Variants in OXR1 observed in about 807,000 individuals in gnomAD.
OXR1 encodes oxidation resistance protein 1.
OXR1 carries 41 observed loss-of-function variants against 104.6 expected under a neutral mutation model. That is an observed-to-expected ratio of 0.39 (90% CI 0.31 to 0.51). The LOEUF (loss-of-function observed/expected upper bound fraction) is 0.51, where lower values mean the gene tolerates loss of function less well. Among genes scored for constraint, OXR1 ranks in the 20% least tolerant of loss-of-function variants. OXR1 has a pLI of 0.77. For synonymous variants in OXR1, 348 were observed against 348.4 expected (o/e 1.00, Z 0.01); for missense variants, 955 against 1,031.9 (o/e 0.93, Z 1.02).
At chr8:106,733,119 T>C (rs778082581) in intron 11 of OXR1, among the ~76,000 whole-genome samples, 3 of 152,192 alleles carry the variant, frequency 2.0e-5, no homozygotes, top group Non-Finnish European at 4.4e-5. Context: ...CTTGAACTCA[T>C]AGGCTCAAGT....
chr8:106,636,457 G>A (rs893851036), intron 3 of OXR1, among the ~76,000 whole-genome samples: 10 of 152,006 alleles, frequency 6.6e-5, no homozygotes, highest in African/African-American at 1.7e-4. Context: ...ATAGAAACCC[G>A]AGAATAGTTT....
intron 1 of OXR1, among the ~76,000 whole-genome samples, chr8:106,277,472 A>C (rs148436398): frequency 6.6e-6 from 1 of 152,260 alleles, no homozygotes; most frequent in East Asian, 1.9e-4. Flanking sequence ...GCAAGTGATC[A>C]TTTATGCTTG....
intron 2 of OXR1, among the ~76,000 whole-genome samples, chr8:106,495,641 C>T (rs1342238596): frequency 6.6e-6 from 1 of 152,094 alleles, no homozygotes; most frequent in Non-Finnish European, 1.5e-5. Context: ...GCTTCTTTTG[C>T]AGACAGCTAG....
At chr8:106,365,917 A>G (rs189048827) in intron 2 of OXR1, among the ~76,000 whole-genome samples, 55 of 152,186 alleles carry the variant, frequency 3.6e-4, no homozygotes, top group Non-Finnish European at 6.9e-4. Flanking sequence ...TTTGGTCTAG[A>G]TAGAGGAGTT....
chr8:106,583,723 T>C (rs1818420214), intron 3 of OXR1, among the ~76,000 whole-genome samples: 2 of 152,102 alleles, frequency 1.3e-5, no homozygotes, highest in Non-Finnish European at 2.9e-5. Context: ...CTGAAAGTAG[T>C]TGGTGATGTT....
intron 1 of OXR1, among the ~76,000 whole-genome samples, chr8:106,310,494 T>G (rs1813654271): frequency 6.6e-6 from 1 of 152,188 alleles, no homozygotes; most frequent in East Asian, 1.9e-4. Flanking sequence ...TTCTCCTGTC[T>G]TGGATTTTCT....
At chr8:106,394,230 A>G (rs892730359) in intron 2 of OXR1, among the ~76,000 whole-genome samples, 25 of 152,086 alleles carry the variant, frequency 1.6e-4, no homozygotes, top group African/African-American at 6.0e-4. Flanking sequence ...CCTTTTTGAA[A>G]GATGAAATCT....
intron 2 of OXR1, among the ~76,000 whole-genome samples, chr8:106,381,818 CA>C (rs1208441087): frequency 2.0e-5 from 3 of 152,140 alleles, no homozygotes; most frequent in Non-Finnish European, 2.9e-5. Flanking sequence ...GCTTTTAATT[CA>C]AAAATTCTCC....
chr8:106,291,066 G>A (rs1466955666), intron 1 of OXR1, among the ~76,000 whole-genome samples: 1 of 152,132 alleles, frequency 6.6e-6, no homozygotes, highest in Non-Finnish European at 1.5e-5. Flanking sequence ...GTGGTGGATT[G>A]TATACAGAAA....
chr8:106,377,803 A>C (rs2130395443), intron 2 of OXR1, among the ~76,000 whole-genome samples: 1 of 152,300 alleles, frequency 6.6e-6, no homozygotes, highest in East Asian at 1.9e-4. Context: ...AATTGCTTTA[A>C]CCCTTAATCA....
At chr8:106,643,369 T>C (rs1252919641) in intron 3 of OXR1, among the ~76,000 whole-genome samples, 1 of 152,084 alleles carries the variant, frequency 6.6e-6, no homozygotes, top group Non-Finnish European at 1.5e-5. Flanking sequence ...ATTTGGTTCA[T>C]GGGCCATAGT....
intron 1 of OXR1, among the ~76,000 whole-genome samples, chr8:106,329,006 T>A (rs997561252): frequency 2.8e-5 from 4 of 140,634 alleles, no homozygotes; most frequent in African/African-American, 1.2e-4. Flanking sequence ...TCACCATCAT[T>A]TTTTTCTGAG....
chr8:106,456,140 T>G (rs2130632296), intron 2 of OXR1, among the ~76,000 whole-genome samples: 1 of 152,304 alleles, frequency 6.6e-6, no homozygotes, highest in South Asian at 2.1e-4. Flanking sequence ...AATAAAAAAC[T>G]TTTTAAAACA....
intron 1 of OXR1, among the ~76,000 whole-genome samples, chr8:106,354,498 A>G (rs989716811): frequency 1.3e-5 from 2 of 152,138 alleles, no homozygotes; most frequent in Non-Finnish European, 2.9e-5. Context: ...ACCCTTGGAT[A>G]TCCCAGTTTG....
chr8:106,622,409 A>G (rs1023648897), intron 3 of OXR1, among the ~76,000 whole-genome samples: 5 of 151,688 alleles, frequency 3.3e-5, no homozygotes, highest in Admixed American at 2.6e-4. Flanking sequence ...GTCCAAACCC[A>G]AAGTCCTAAT....
chr8:106,514,988 A>C (rs1363554503), intron 2 of OXR1, among the ~76,000 whole-genome samples: 2 of 152,096 alleles, frequency 1.3e-5, no homozygotes, highest in Non-Finnish European at 2.9e-5. Flanking sequence ...TTTTGAAATA[A>C]AATTTATAGG....
At chr8:106,562,261 G>A (rs373802506) in intron 3 of OXR1, among the ~76,000 whole-genome samples, 18 of 151,958 alleles carry the variant, frequency 1.2e-4, no homozygotes, top group South Asian at 2.1e-4. Flanking sequence ...TATAATACCC[G>A]TTTAGAGAAG....
At chr8:106,583,738 A>G (rs564300371) in intron 3 of OXR1, among the ~76,000 whole-genome samples, 1 of 152,298 alleles carries the variant, frequency 6.6e-6, no homozygotes, top group Admixed American at 6.5e-5. Flanking sequence ...GATGTTGAGT[A>G]TTTTAAAAAG....
intron 2 of OXR1, among the ~76,000 whole-genome samples, chr8:106,396,488 A>G (rs1227056656): frequency 6.6e-6 from 1 of 152,138 alleles, no homozygotes; most frequent in African/African-American, 2.4e-5. Context: ...AGGACATTCT[A>G]CAAAATACTT....
Sources: allele counts gnomAD v4.1 joint callset (sites outside exome capture counted in the v4.1 genomes callset), GRCh38; gene constraint gnomAD v4.1.1; transcripts MANE v1.5; gene names NCBI Gene and HGNC (gene_info 2026-07-23, HGNC 2026-07-21).